CLDN20: variants seen among roughly 807,000 people sequenced by gnomAD.
CLDN20 encodes the protein claudin 20.
For synonymous variants in CLDN20, 104 were observed against 103.6 expected (o/e 1.00, Z -0.03); for missense variants, 258 against 267.9 (o/e 0.96, Z 0.26).
rs1051944943 is a variant in CLDN20, at chr6:155,276,356, C to A, written c.637C>A (p.His213Asn). Residue 213 changes from histidine to asparagine, a missense_variant, in exon 2 of 2, where the codon CAC (histidine) becomes AAC (asparagine). His to Asn is a moderately conservative substitution (Grantham distance 68, BLOSUM62 1). Transcript: ENST00000367165. ...CACACAGCTCGAGAACAATTCCACA[C>A]ACAATCTGAAGGATTATGTGTAAAT... is the stretch of plus-strand genomic sequence containing the variant. Reference protein sequence around the residue: ...SNTQLENNSTHNLKDYV With the variant: ...SNTQLENNSTNNLKDYV 2.5e-6 allele frequency: 4 copies of A among 1,613,170 alleles called. No homozygotes were observed. Among genetic ancestry groups the A allele is most frequent in the Non-Finnish European group, 3.4e-6 (4 of 1,179,928 alleles).
At chr6:155,266,336 G>A (rs1197144621) in intron 1 of CLDN20, among the ~76,000 whole-genome samples, 5 of 152,126 alleles carry the variant, frequency 3.3e-5, no homozygotes, top group African/African-American at 9.7e-5. Context: ...CAAAGCCCTC[G>A]TGTGGGCAGA....
At chr6:155,265,752 A>T (rs1193526701) in intron 1 of CLDN20, among the ~76,000 whole-genome samples, 1 of 145,266 alleles carries the variant, frequency 6.9e-6, no homozygotes, top group South Asian at 2.1e-4. Flanking sequence ...TATAATATAT[A>T]ATATATATTT....
At chr6:155,267,224 C>T (rs934480827) in intron 1 of CLDN20, among the ~76,000 whole-genome samples, 2 of 152,208 alleles carry the variant, frequency 1.3e-5, no homozygotes, top group Non-Finnish European at 1.5e-5. Context: ...ATCCACCTGC[C>T]TTGGCCTCCC....
Position 155,276,425 on chromosome 6 carries a change from G to T in CLDN20, c.*46G>T, listed in dbSNP as rs898772969. 1.3e-6 allele frequency: 2 copies of T among 1,514,880 alleles called. No homozygotes were observed. Among genetic ancestry groups the T allele is most frequent in the Admixed American group, 2.0e-5 (1 of 49,978 alleles). 93.8% of individuals were successfully genotyped at this position (1,514,880 alleles called of 1,614,324 possible). ...AAATGGAACTTTTGGGTGCCAAATG[G>T]GACTTTTAGATTAAAAAAAAATCAG... On this transcript the variant is annotated 3_prime_UTR_variant, in exon 2 of 2. Transcript: ENST00000367165.
intron 1 of CLDN20, among the ~76,000 whole-genome samples, chr6:155,266,432 T>C (rs1449004989): frequency 1.3e-5 from 2 of 152,104 alleles, no homozygotes; most frequent in Admixed American, 6.5e-5. Flanking sequence ...TTAAATTCAC[T>C]AGAAGTGCAG....
chr6:155,276,065 C>T lies in CLDN20; in HGVS notation c.346C>T (p.His116Tyr). The T allele has an allele frequency of 6.2e-7, 1 of 1,614,138 alleles. No individual in the cohort carries two copies. Among genetic ancestry groups the T allele is most frequent in the Non-Finnish European group, 8.5e-7 (1 of 1,180,034 alleles). Residue 116 changes from histidine (H) to tyrosine (Y), a missense_variant, in exon 2 of 2, where the codon CAT becomes TAT. His to Tyr is a moderately conservative substitution (Grantham distance 83, BLOSUM62 2). Coordinates refer to ENST00000367165, the MANE Select transcript of CLDN20 (RefSeq NM_001001346.3). The part of the protein sequence containing the change: ...RLGGDRETKS[H>Y]ASFAGGVCFM... ...AGGAGGGGACAGAGAAACCAAGAGC[C>T]ATGCTTCCTTTGCTGGAGGAGTCTG...
chr6:155,275,177 G>C (rs903914823), intron 1 of CLDN20, among the ~76,000 whole-genome samples: 5 of 152,106 alleles, frequency 3.3e-5, no homozygotes, highest in Admixed American at 6.5e-5. Flanking sequence ...AGTGAGCCAA[G>C]ATCGCTCCAC....
rs1784516915 is a variant in CLDN20 at position 155,264,140 on chromosome 6, C to T, written c.-253C>T. 6.6e-6 allele frequency: 1 copy of T among 152,202 alleles called. No individual in the cohort carries two copies. The highest frequency in any genetic ancestry group is 6.5e-5 in the Admixed American group (1 of 15,282). 9.4% of individuals were successfully genotyped at this position (152,202 alleles called of 1,614,324 possible). On this transcript the variant is annotated 5_prime_UTR_variant, in exon 1 of 2. Coordinates refer to ENST00000367165, the MANE Select transcript of CLDN20 (RefSeq NM_001001346.3). ...ACAGGGGCTTGGGAGAGCCACTTCACTGTCGGGTAAAACAACGGAGCAAGA... is the reference window on the plus strand; with the variant it reads ...ACAGGGGCTTGGGAGAGCCACTTCATTGTCGGGTAAAACAACGGAGCAAGA...
intron 1 of CLDN20, among the ~76,000 whole-genome samples, chr6:155,268,017 A>G (rs1315951663): frequency 6.6e-6 from 1 of 152,168 alleles, no homozygotes; most frequent in Non-Finnish European, 1.5e-5. Context: ...AAATGTAGAC[A>G]GGAAATTTTG....
At chr6:155,267,395 T>C (rs1405836899) in intron 1 of CLDN20, among the ~76,000 whole-genome samples, 1 of 152,330 alleles carries the variant, frequency 6.6e-6, no homozygotes, top group African/African-American at 2.4e-5. Flanking sequence ...GAAGCAAGAA[T>C]TGTAAATTAG....
intron 1 of CLDN20, among the ~76,000 whole-genome samples, chr6:155,273,873 G>A (rs1426793944): frequency 1.3e-5 from 2 of 152,088 alleles, no homozygotes; most frequent in African/African-American, 4.8e-5. Context: ...AAGATTCTAT[G>A]AAAATAAATC....
intron 1 of CLDN20, among the ~76,000 whole-genome samples, chr6:155,265,706 T>TAAATATATTTATATATAATATAAATATA (rs1562389325): frequency 3.4e-5 from 5 of 146,562 alleles, no homozygotes; most frequent in African/African-American, 9.9e-5. Context: ...ATATAAATAT[T>TAAATATATTTATATATAATATAAATATA]AAATATATTT....
intron 1 of CLDN20, among the ~76,000 whole-genome samples, chr6:155,273,858 G>A (rs532805731): frequency 6.6e-6 from 1 of 152,084 alleles, no homozygotes. Flanking sequence ...GTTTCTTTCA[G>A]CTCCAAGATT....
chr6:155,269,087 A>G (rs1583319713), intron 1 of CLDN20, among the ~76,000 whole-genome samples: 1 of 151,518 alleles, frequency 6.6e-6, no homozygotes, highest in Admixed American at 6.6e-5. Context: ...GTAAATGCTG[A>G]TATGTAAAGC....
In CLDN20 at chr6:155,276,129, T is replaced by C. The variant is rs768024842; in HGVS notation, c.410T>C (p.Val137Ala). Reference protein sequence around the residue: ...SAGISSLISTVWYTKEIIANF... With the variant: ...SAGISSLISTAWYTKEIIANF... Reference sequence around the variant, plus strand: ...GGAATCTCTAGTTTAATCTCGACAGTGTGGTACACAAAGGAGATCATAGCA... The same window carrying C: ...GGAATCTCTAGTTTAATCTCGACAGCGTGGTACACAAAGGAGATCATAGCA... Residue 137 changes from valine (V) to alanine (A), a missense_variant, in exon 2 of 2, where the codon GTG (valine) becomes GCG (alanine). Physicochemically the swap from Val to Ala is moderately conservative, Grantham distance 64. Coordinates refer to ENST00000367165, the MANE Select transcript of CLDN20 (RefSeq NM_001001346.3). 22 of 1,614,174 alleles carry C rather than the reference T, an allele frequency of 1.4e-5. No individual in the cohort carries two copies. Among genetic ancestry groups the C allele is most frequent in the Non-Finnish European group, 1.9e-5 (22 of 1,180,036 alleles).
At chr6:155,271,391 A>G (rs111594627) in intron 1 of CLDN20, among the ~76,000 whole-genome samples, 1,859 of 152,308 alleles carry the variant, frequency 0.012, 32 homozygotes, top group Non-Finnish European at 0.015. Context: ...TAATTTATTC[A>G]TAACATTTCC....
intron 1 of CLDN20, among the ~76,000 whole-genome samples, chr6:155,271,049 C>T (rs372676170): frequency 6.4e-4 from 98 of 152,200 alleles, no homozygotes; most frequent in African/African-American, 2.1e-3. Context: ...AAAAGAGTAT[C>T]TTGCTCAATG....
At chr6:155,266,191 T>C (rs940359587) in intron 1 of CLDN20, among the ~76,000 whole-genome samples, 2 of 151,920 alleles carry the variant, frequency 1.3e-5, no homozygotes, top group Admixed American at 6.6e-5. Flanking sequence ...CATCACAACA[T>C]TTTTTTTAAA....
intron 1 of CLDN20, among the ~76,000 whole-genome samples, chr6:155,269,589 T>G (rs1176482987): frequency 6.6e-6 from 1 of 152,162 alleles, no homozygotes; most frequent in Non-Finnish European, 1.5e-5. Flanking sequence ...CCCAAAGTGT[T>G]GGGATTACAG....
Sources: gnomAD v4.1 joint callset for allele counts (sites outside exome capture counted in the v4.1 genomes callset) on GRCh38, gnomAD v4.1.1 for gene constraint, MANE v1.5 for transcripts, NCBI Gene and HGNC (gene_info 2026-07-23, HGNC 2026-07-21) for gene names.